SRPK1: variants seen among roughly 807,000 people sequenced by gnomAD.
The protein encoded by SRPK1 is SFRS protein kinase 1.
In SRPK1, 52 loss-of-function variants were observed where a neutral mutation model predicts 89.5. That is an observed-to-expected ratio of 0.58 (90% CI 0.46 to 0.73). The LOEUF (loss-of-function observed/expected upper bound fraction) is 0.73. Ranked by LOEUF, SRPK1 falls within the 30% of genes least tolerant of loss-of-function variation. The pLI is 0.00. For missense variants in SRPK1, 603 were observed against 780.6 expected (o/e 0.77, Z 2.71); for synonymous variants, 255 against 270.2 (o/e 0.94, Z 0.55).
At chr6:35,867,463 T>G (rs1769930226) in intron 12 of SRPK1, among the ~76,000 whole-genome samples, 2 of 152,190 alleles carry the variant, frequency 1.3e-5, no homozygotes, top group African/African-American at 4.8e-5. Flanking sequence ...ATATGGCTCT[T>G]TGAGTACTGT....
At chr6:35,876,999 G>C (rs1023117289) in intron 6 of SRPK1, among the ~76,000 whole-genome samples, 4 of 152,154 alleles carry the variant, frequency 2.6e-5, no homozygotes, top group Non-Finnish European at 5.9e-5. Flanking sequence ...TTGCAGAGGG[G>C]GCCCGCCCCT....
At chr6:35,869,167 G>T in intron 11 of SRPK1, 57 bp from the exon 12 acceptor site, 2 of 1,379,644 alleles carry the variant, frequency 1.4e-6, no homozygotes, top group South Asian at 1.2e-5. Flanking sequence ...AATACTCAAT[G>T]AGTAATAAAG....
intron 2 of SRPK1, among the ~76,000 whole-genome samples, chr6:35,902,645 C>T (rs986030661): frequency 6.6e-6 from 1 of 152,152 alleles, no homozygotes; most frequent in African/African-American, 2.4e-5. Context: ...TCCATGTTCA[C>T]CTAACAATGG....
chr6:35,859,415 A>G (rs1769730244), intron 12 of SRPK1, among the ~76,000 whole-genome samples: 1 of 152,220 alleles, frequency 6.6e-6, no homozygotes, highest in Non-Finnish European at 1.5e-5. Flanking sequence ...TAAAAAGCTT[A>G]GTACAGTGGT....
chr6:35,920,400 G>A (rs1421445458), intron 2 of SRPK1, 68 bp downstream of exon 2: 2 of 1,573,276 alleles, frequency 1.3e-6, no homozygotes, highest in Non-Finnish European at 1.7e-6. Flanking sequence ...CGTTCAAGAC[G>A]TGAAACCAGA....
At chr6:35,887,657 AAAC>A (rs1345209296) in intron 5 of SRPK1, among the ~76,000 whole-genome samples, 1 of 152,246 alleles carries the variant, frequency 6.6e-6, no homozygotes, top group African/African-American at 2.4e-5. Context: ...CATATTTGAA[AAAC>A]AACAAAAAAG....
chr6:35,835,872 T>C (rs1257688938), intron 15 of SRPK1, among the ~76,000 whole-genome samples: 1 of 152,200 alleles, frequency 6.6e-6, no homozygotes, highest in Non-Finnish European at 1.5e-5. Context: ...AATTTGCTTA[T>C]ACTCTTTTTT....
At chr6:35,892,474 A>G (rs1581590294) in intron 2 of SRPK1, among the ~76,000 whole-genome samples, 1 of 152,280 alleles carries the variant, frequency 6.6e-6, no homozygotes, top group East Asian at 1.9e-4. Flanking sequence ...CAACATAAAG[A>G]AACCCCATCT....
At chr6:35,913,760 T>C (rs1272697210) in intron 2 of SRPK1, among the ~76,000 whole-genome samples, 1 of 149,206 alleles carries the variant, frequency 6.7e-6, no homozygotes. Context: ...ATCATGCCAC[T>C]GTACTCCAGT....
At chr6:35,907,692 C>G (rs1447597421) in intron 2 of SRPK1, among the ~76,000 whole-genome samples, 1 of 147,544 alleles carries the variant, frequency 6.8e-6, no homozygotes, top group Non-Finnish European at 1.5e-5. Context: ...GCAATGAGAA[C>G]AAAACTCCGT....
chr6:35,894,469 C>T lies in SRPK1; in HGVS notation c.75-3456G>A, dbSNP rs191616712. 3.7e-3 allele frequency among the ~76,000 whole-genome samples: 566 copies of T among 152,080 alleles called. 2 individuals are homozygous for T. Among genetic ancestry groups the T allele is most frequent in the African/African-American group, 0.013 (530 of 41,482 alleles). On this transcript the variant is annotated intron_variant, in intron 2 of 15. Transcript: ENST00000373825. Reference sequence around the variant, plus strand: ...GACAAACACAATCAAACCAGAAGTTCCCACATCTGAATAATAGAGTTGCAG... The same window carrying T: ...GACAAACACAATCAAACCAGAAGTTTCCACATCTGAATAATAGAGTTGCAG...
chr6:35,880,879 A>G (rs1442860374), intron 6 of SRPK1, among the ~76,000 whole-genome samples: 1 of 151,724 alleles, frequency 6.6e-6, no homozygotes, highest in African/African-American at 2.4e-5. Flanking sequence ...ATGAACTCAA[A>G]GACACCCACA....
At chr6:35,846,263 GA>G (rs11333285) in intron 13 of SRPK1, among the ~76,000 whole-genome samples, 46,947 of 142,910 alleles carry the variant, frequency 0.33, 7,521 homozygotes, top group South Asian at 0.43. Flanking sequence ...CATCTCTTAA[GA>G]AAAAAAAAAA....
At chr6:35,904,417 C>T (rs997958036) in intron 2 of SRPK1, among the ~76,000 whole-genome samples, 14 of 152,186 alleles carry the variant, frequency 9.2e-5, no homozygotes, top group African/African-American at 3.4e-4. Context: ...TAATGCCTAC[C>T]TTTCACCATA....
At position 35,842,543 on chromosome 6, in the gene SRPK1, C is replaced by A; in HGVS notation, c.1682G>T (p.Arg561Leu). ...FEPHSGEEYTRDEDHIALIIE... is the reference protein window; with the variant it reads ...FEPHSGEEYTLDEDHIALIIE... ...TGGTTAAGGGGACTCACCTTCATCT[C>A]GAGTGTACTCTTCCCCTGAATGAGG... The change falls in exon 14 of 16, where the codon CGA (arginine) becomes CTA (leucine). Residue 561 changes from arginine (R) to leucine (L), a missense_variant. Coordinates refer to ENST00000373825, the MANE Select transcript of SRPK1 (RefSeq NM_003137.5). 1 of 1,611,388 alleles carries A rather than the reference C, an allele frequency of 6.2e-7. No homozygotes were observed. The highest frequency in any genetic ancestry group is 8.5e-7 in the Non-Finnish European group (1 of 1,178,844).
chr6:35,891,582 G>A (rs891852699), intron 2 of SRPK1, among the ~76,000 whole-genome samples: 6 of 151,910 alleles, frequency 3.9e-5, no homozygotes, highest in Non-Finnish European at 5.9e-5. Context: ...TTTGCCCAGC[G>A]TGGTGGTGGG....
chr6:35,908,436 C>G (rs544247268), intron 2 of SRPK1, among the ~76,000 whole-genome samples: 1 of 152,324 alleles, frequency 6.6e-6, no homozygotes, highest in East Asian at 1.9e-4. Flanking sequence ...TTAGCAGAGA[C>G]TGGCAGCATT....
chr6:35,906,855 C>G (rs937678085), intron 2 of SRPK1, among the ~76,000 whole-genome samples: 9 of 152,102 alleles, frequency 5.9e-5, no homozygotes, highest in Admixed American at 1.3e-4. Flanking sequence ...CTCTAATGGA[C>G]TAAACCACAA....
At chr6:35,884,233 T>C (rs2127255016) in intron 6 of SRPK1, among the ~76,000 whole-genome samples, 1 of 152,210 alleles carries the variant, frequency 6.6e-6, no homozygotes, top group South Asian at 2.1e-4. Flanking sequence ...CAGACAATAA[T>C]GACTGGCTAA....
Sources: gnomAD v4.1 joint callset for allele counts (sites outside exome capture counted in the v4.1 genomes callset) on GRCh38, gnomAD v4.1.1 for gene constraint, MANE v1.5 for transcripts, NCBI Gene and HGNC (gene_info 2026-07-23, HGNC 2026-07-21) for gene names.